The following PLEC variants were observed in gnomAD, a reference collection of about 807,000 sequenced individuals.
PLEC encodes the protein plectin, also known as hemidesmosomal protein 1.
PLEC carries 216 observed loss-of-function variants against 392.8 expected under a neutral mutation model. The observed-to-expected ratio is 0.55, with a 90% CI of 0.49 to 0.62. PLEC has a LOEUF of 0.62. Ranked by LOEUF, PLEC falls within the 20% of genes least tolerant of loss-of-function variation. PLEC has a pLI of 0.00. For synonymous variants in PLEC, 3,621 were observed against 2,980.6 expected (o/e 1.21, Z -7.00); for missense variants, 6,863 against 6,563.4 (o/e 1.05, Z -1.58).
Position 143,927,345 on chromosome 8 carries a change from G to A in PLEC, c.3757-10C>T. 2 of 1,612,518 alleles carry A rather than the reference G, an allele frequency of 1.2e-6. No homozygotes were observed. Among genetic ancestry groups the A allele is most frequent in the Non-Finnish European group, 1.7e-6 (2 of 1,179,804 alleles). ...TCTCCTCCAGCAGGGCCTGGGTGATGGTGTGGTCAGAGCCGTGGCCGCAGG... is the reference window on the plus strand; with the variant it reads ...TCTCCTCCAGCAGGGCCTGGGTGATAGTGTGGTCAGAGCCGTGGCCGCAGG... On this transcript the variant is annotated splice_polypyrimidine_tract_variant and intron_variant, in intron 27 of 31. Transcript: ENST00000345136.
intron 1 of PLEC, among the ~76,000 whole-genome samples, chr8:143,965,810 C>T (rs1335916236): frequency 4.6e-5 from 7 of 152,270 alleles, no homozygotes; most frequent in South Asian, 4.1e-4. Flanking sequence ...TAAATGTGAG[C>T]GACCACTCAG....
upstream of PLEC, chr8:143,953,718 G>C (rs1554738140): frequency 6.2e-7 from 1 of 1,611,010 alleles, no homozygotes; most frequent in South Asian, 1.1e-5. Flanking sequence ...CCGGCCCCAG[G>C]ACCGCACCTT....
upstream of PLEC, chr8:143,944,542 G>A (rs555536568): frequency 1.7e-6 from 1 of 605,572 alleles, no homozygotes; most frequent in African/African-American, 1.9e-5. Flanking sequence ...CTGTGTGCAG[G>A]GCGAGGGACA....
At chr8:143,937,893 C>A in intron 3 of PLEC, 1 of 637,828 alleles carries the variant, frequency 1.6e-6, no homozygotes, top group South Asian at 1.6e-5. Flanking sequence ...TGTCCCGACG[C>A]GGAGGGCGGC....
chr8:143,953,075 C>T (rs1832362236), upstream of PLEC, among the ~76,000 whole-genome samples: 1 of 146,968 alleles, frequency 6.8e-6, no homozygotes, highest in Non-Finnish European at 1.5e-5. Context: ...GTCCAGGCGT[C>T]CCCCAAGACC....
At chr8:143,934,613 C>T in intron 10 of PLEC, 22 bp downstream of exon 10, 2 of 1,609,626 alleles carry the variant, frequency 1.2e-6, no homozygotes, top group Non-Finnish European at 1.7e-6. Flanking sequence ...ACACCACCCA[C>T]CCCTCCAGCG....
intron 11 of PLEC, 97 bp from the exon 12 acceptor site, chr8:143,934,188 G>A (rs1389485960): frequency 1.3e-6 from 2 of 1,584,748 alleles, no homozygotes; most frequent in African/African-American, 2.7e-5. Context: ...CTCCCTGGCT[G>A]TGGCCCACTG....
At chr8:143,942,363 T>C (rs563083633), upstream of PLEC, 36 of 1,599,382 alleles carry the variant, frequency 2.3e-5, 1 homozygote, top group South Asian at 3.7e-4. Flanking sequence ...TGGCCCCTTC[T>C]GTGCCACCGG....
At position 143,929,161 on chromosome 8, in the gene PLEC, C is replaced by G; in HGVS notation, c.3202G>C (p.Glu1068Gln). ...TGCTCCAGCTTGCCCAGCGTCAGCTCCAGCTCCGAGCGCAGCGTGGGGGCC... is the reference window on the plus strand; with the variant it reads ...TGCTCCAGCTTGCCCAGCGTCAGCTGCAGCTCCGAGCGCAGCGTGGGGGCC... The part of the protein sequence containing the change: ...PAAPTLRSEL[E>Q]LTLGKLEQVR... Residue 1068 changes from glutamate to glutamine, a missense_variant, in exon 25 of 32, where the codon GAG (glutamate) becomes CAG (glutamine). Glu to Gln is a conservative substitution (Grantham distance 29). Coordinates refer to ENST00000345136, the MANE Select transcript of PLEC (RefSeq NM_201384.3). 1 of 1,593,858 alleles carries G rather than the reference C, an allele frequency of 6.3e-7. No individual in the cohort carries two copies. Among genetic ancestry groups the G allele is most frequent in the Non-Finnish European group, 8.5e-7 (1 of 1,171,990 alleles).
In PLEC at chr8:143,920,130, G is replaced by A. The variant is rs781821437; in HGVS notation, c.9691C>T (p.Arg3231Cys). ...ACCGGGGTCTTTTCAAAGGTCTCAC[G>A]GGCCTGCAGCTCTGAGTAGAGCTCC... The part of the protein sequence containing the change: ...QEELYSELQA[R>C]ETFEKTPVEV... The change falls in exon 32 of 32, where the codon CGT becomes TGT. Residue 3231 changes from arginine to cysteine, a missense_variant. Coordinates refer to ENST00000345136, the MANE Select transcript of PLEC (RefSeq NM_201384.3). 3.5e-5 allele frequency: 56 copies of A among 1,612,772 alleles called. No homozygotes were observed. Among genetic ancestry groups the A allele is most frequent in the East Asian group, 2.0e-4 (9 of 44,892 alleles).
chr8:143,925,009 C>T lies in PLEC; in HGVS notation c.4920G>A (p.Glu1640=). ...ELERWQLKAN[E]ALRLRLQAEE... is the part of the protein sequence containing the mutation. ...CCGCCTGCAGCCGCAGCCGTAGCGC[C>T]TCGTTGGCCTTGAGCTGCCAGCGCT... Residue 1640 remains glutamate (E), a synonymous_variant, in exon 31 of 32, where the codon GAG becomes GAA. Transcript: ENST00000345136. The T allele has an allele frequency of 6.4e-7, 1 of 1,573,736 alleles. No individual in the cohort carries two copies. Among genetic ancestry groups the T allele is most frequent in the Non-Finnish European group, 8.6e-7 (1 of 1,167,946 alleles).
At chr8:143,929,030 T>A in intron 25 of PLEC, 73 bp downstream of exon 25, 1 of 1,384,788 alleles carries the variant, frequency 7.2e-7, no homozygotes, top group Middle Eastern at 2.4e-4. Flanking sequence ...TGCACCCTCC[T>A]GCAAGGTCAC....
intron 6 of PLEC, 104 bp downstream of exon 6, chr8:143,935,744 G>C (rs1276294278): frequency 2.7e-5 from 35 of 1,305,750 alleles, no homozygotes; most frequent in Non-Finnish European, 3.3e-5. Flanking sequence ...ACTCATCCCT[G>C]TTCCTCCTGC....
At chr8:143,950,086 G>GACCACTCCA (rs1831971027) in intron 1 of PLEC, 36 of 1,408,044 alleles carry the variant, frequency 2.6e-5, no homozygotes, top group Non-Finnish European at 3.3e-5. Flanking sequence ...CAAGCCGGCT[G>GACCACTCCA]ACCACTCCAA....
chr8:143,966,914 A>G (rs1833127763), intron 1 of PLEC, among the ~76,000 whole-genome samples: 1 of 152,176 alleles, frequency 6.6e-6, no homozygotes, highest in Admixed American at 6.5e-5. Flanking sequence ...AAATTCCACA[A>G]AGATTAACGA....
At position 143,932,145 on chromosome 8, in the gene PLEC, G is replaced by T. The variant is rs1554716415; in HGVS notation, c.2067C>A (p.Ala689=). The part of the protein sequence containing the change: ...GDRLLREDHP[A]RPTVESFQAA... ...GGAGCCCCACCTCCACCGTGGGCCG[G>T]GCCGGGTGGTCCTCCCGCAGCAGCC... Residue 689 remains alanine (A), a synonymous_variant, in exon 17 of 32, where the codon GCC becomes GCA. Transcript: ENST00000345136. 1.9e-6 allele frequency: 3 copies of T among 1,611,264 alleles called. No individual in the cohort carries two copies. The South Asian group carries it at 3.3e-5, about 18-fold the overall frequency.
intron 1 of PLEC, 141 bp downstream of exon 1, chr8:143,939,209 G>C (rs1829908126): frequency 5.1e-6 from 6 of 1,177,636 alleles, no homozygotes. Flanking sequence ...CTCCGTGTTG[G>C]GTGGGGATGG....
chr8:143,927,825 G>A (rs782720653), intron 26 of PLEC, 29 bp downstream of exon 26: 31 of 1,580,182 alleles, frequency 2.0e-5, no homozygotes, highest in African/African-American at 2.7e-5. Flanking sequence ...CCCCCACCCC[G>A]CCATGAAGCC....
Position 143,926,153 on chromosome 8 carries a change from C to T in PLEC, c.4045-269G>A, listed in dbSNP as rs6993953. On this transcript the variant is annotated intron_variant, in intron 30 of 31. Coordinates refer to ENST00000345136, the MANE Select transcript of PLEC (RefSeq NM_201384.3). ...CAGACAGGCGACGGAGACAGACGGA[C>T]GGGGAGAGAGAGAGCAAAGCAGGAG... Among the ~76,000 whole-genome samples the T allele has an allele frequency of 0.3, 46,079 of 152,128 alleles. 8,661 individuals are homozygous for T. The highest frequency in any genetic ancestry group is 0.41 in the Non-Finnish European group (28,189 of 67,960).
Sources: allele counts gnomAD v4.1 joint callset (sites outside exome capture counted in the v4.1 genomes callset), GRCh38; gene constraint gnomAD v4.1.1; transcripts MANE v1.5; gene names NCBI Gene and HGNC (gene_info 2026-07-23, HGNC 2026-07-21).